Variants in PRUNE2 observed in about 807,000 individuals in gnomAD.
PRUNE2 encodes prune homolog 2 with BCH domain, also known as protein prune homolog 2.
In PRUNE2, 164 loss-of-function variants were observed where a neutral mutation model predicts 252.0. The observed-to-expected ratio is 0.65, with a 90% CI of 0.57 to 0.74. PRUNE2 has a LOEUF of 0.74. Ranked by LOEUF, PRUNE2 falls within the 30% of genes least tolerant of loss-of-function variation. The probability of loss-of-function intolerance (pLI) is 0.00; values close to 1 mark genes in which losing one functional copy is unlikely to be tolerated. For missense variants in PRUNE2, 3,495 were observed against 3,711.0 expected (o/e 0.94, Z 1.51); for synonymous variants, 1,292 against 1,350.2 (o/e 0.96, Z 0.94).
At chr9:76,780,252 G>A (rs918560759) in intron 6 of PRUNE2, among the ~76,000 whole-genome samples, 8 of 152,122 alleles carry the variant, frequency 5.3e-5, no homozygotes, top group Non-Finnish European at 1.0e-4. Flanking sequence ...AACTCATAAT[G>A]AAGCAGCTGC....
intron 4 of PRUNE2, among the ~76,000 whole-genome samples, chr9:76,835,579 T>C (rs1235437409): frequency 1.3e-5 from 2 of 152,176 alleles, no homozygotes; most frequent in Non-Finnish European, 2.9e-5. Context: ...GAGGAATCAT[T>C]TTGGTTTTAT....
At chr9:76,809,784 T>C (rs1258993363) in intron 6 of PRUNE2, among the ~76,000 whole-genome samples, 2 of 152,172 alleles carry the variant, frequency 1.3e-5, no homozygotes, top group African/African-American at 2.4e-5. Context: ...AATTCATACA[T>C]ATAAAAAAGG....
intron 18 of PRUNE2, among the ~76,000 whole-genome samples, chr9:76,616,442 G>A (rs1829730384): frequency 6.6e-6 from 1 of 152,112 alleles, no homozygotes; most frequent in Non-Finnish European, 1.5e-5. Context: ...CAAAATTTGG[G>A]GCACATCGTC....
At chr9:76,882,042 TTAATA>T (rs1336468214) in intron 1 of PRUNE2, among the ~76,000 whole-genome samples, 5 of 152,236 alleles carry the variant, frequency 3.3e-5, no homozygotes, top group African/African-American at 1.2e-4. Flanking sequence ...AGTATTTAAT[TTAATA>T]TATTTATTTT....
chr9:76,651,832 C>G (rs1847527030), intron 11 of PRUNE2: 1 of 152,164 alleles, frequency 6.6e-6, no homozygotes, highest in Non-Finnish European at 1.5e-5. Flanking sequence ...AGTCCTTGCT[C>G]CTGTGGAGCA....
rs551242347 is a variant in PRUNE2, at chr9:76,611,650, T to C, written c.*2920A>G. 6.5e-6 allele frequency: 1 copy of C among 152,760 alleles called. No homozygotes were observed. Among genetic ancestry groups the C allele is most frequent in the East Asian group, 1.9e-4 (1 of 5,188 alleles). The allele number at this position is 152,760 out of a possible 1,614,324, so 9.5% of individuals were successfully genotyped here. ...GCAAACATAGTACCATAACTGAATA[T>C]TTAAAATTACATCTTAACAAAGGCT... On this transcript the variant is annotated 3_prime_UTR_variant, in exon 19 of 19. Transcript: ENST00000376718.
At position 76,629,349 on chromosome 9, in the gene PRUNE2, GGCTATT is replaced by G. The variant is rs1836426566; in HGVS notation, c.9051-65_9051-60del. 4 of 875,266 alleles carry G rather than the reference GGCTATT, an allele frequency of 4.6e-6. No individual in the cohort carries two copies. The East Asian group carries it at 1.1e-4, about 24-fold the overall frequency. 54.2% of individuals were successfully genotyped at this position (875,266 alleles called of 1,614,324 possible). A position where few individuals can be genotyped will look rare whatever the true frequency, so the allele number is the denominator to read the frequency against. ...TTAGTCACTACCTTATCCATTCTAA[GGCTATT>G]GCCTTTTCTTGAAAATCCTGATACT... On this transcript the variant is annotated intron_variant, in intron 15 of 18. Transcript: ENST00000376718.
chr9:76,684,426 G>T (rs2043843505), intron 9 of PRUNE2, among the ~76,000 whole-genome samples: 1 of 152,102 alleles, frequency 6.6e-6, no homozygotes, highest in African/African-American at 2.4e-5. Context: ...CAACCCCAGG[G>T]CAGCTCCAGA....
intron 16 of PRUNE2, among the ~76,000 whole-genome samples, chr9:76,628,515 C>G (rs1020952884): frequency 6.6e-6 from 1 of 152,046 alleles, no homozygotes; most frequent in African/African-American, 2.4e-5. Context: ...ATAAAGAAAT[C>G]CAAGCTATGC....
At chr9:76,767,977 C>A (rs549127823) in intron 6 of PRUNE2, among the ~76,000 whole-genome samples, 1 of 152,342 alleles carries the variant, frequency 6.6e-6, no homozygotes, top group African/African-American at 2.4e-5. Context: ...TCTCTCTGAT[C>A]TTCCCTGTTC....
At chr9:76,796,167 C>T (rs1034107329) in intron 6 of PRUNE2, among the ~76,000 whole-genome samples, 19 of 152,148 alleles carry the variant, frequency 1.2e-4, no homozygotes, top group Admixed American at 1.2e-3. Context: ...CTTAAGAACG[C>T]ACAGCACTCT....
intron 14 of PRUNE2, 117 bp downstream of exon 14, chr9:76,637,301 T>C (rs548362031): frequency 1.3e-4 from 132 of 978,626 alleles, no homozygotes; most frequent in Non-Finnish European, 1.8e-4. Flanking sequence ...TTATTTGATC[T>C]TATTGAGACT....
chr9:76,706,502 C>T lies in PRUNE2; in HGVS notation c.5772G>A (p.Gln1924=). 3.1e-6 allele frequency: 5 copies of T among 1,613,954 alleles called. No homozygotes were observed. Among genetic ancestry groups the T allele is most frequent in the Non-Finnish European group, 4.2e-6 (5 of 1,179,880 alleles). ...QPDPDADKFS[Q]LVKLDQIKEK... is the part of the protein sequence containing the mutation. ...CTTTAATTTGGTCTAATTTTACAAG[C>T]TGGCTGAACTTGTCAGCATCTGGGT... The change falls in exon 8 of 19, where the codon CAG becomes CAA. Residue 1924 remains glutamine, a synonymous_variant. Coordinates refer to ENST00000376718, the MANE Select transcript of PRUNE2 (RefSeq NM_015225.3).
At chr9:76,744,889 G>A (rs926559354) in intron 6 of PRUNE2, among the ~76,000 whole-genome samples, 13 of 152,130 alleles carry the variant, frequency 8.5e-5, no homozygotes, top group African/African-American at 2.4e-4. Context: ...TCTATGCCTC[G>A]ATGAACATCT....
At chr9:76,694,414 C>G (rs1463939030) in intron 9 of PRUNE2, among the ~76,000 whole-genome samples, 5 of 152,134 alleles carry the variant, frequency 3.3e-5, no homozygotes, top group Non-Finnish European at 5.9e-5. Context: ...AACTCCTGGC[C>G]TCAGGTGATC....
chr9:76,783,830 A>G (rs1050267761), intron 6 of PRUNE2: 2 of 152,218 alleles, frequency 1.3e-5, no homozygotes, highest in Admixed American at 1.3e-4. Flanking sequence ...ATGTTTTTGC[A>G]CATTTCCAGC....
intron 1 of PRUNE2, among the ~76,000 whole-genome samples, chr9:76,860,340 C>G (rs2060483281): frequency 6.6e-6 from 1 of 152,146 alleles, no homozygotes; most frequent in African/African-American, 2.4e-5. Flanking sequence ...AAGTTCAAGC[C>G]CTTCCCGTAA....
chr9:76,728,142 C>T (rs79749910), intron 6 of PRUNE2, among the ~76,000 whole-genome samples: 173 of 152,230 alleles, frequency 1.1e-3, no homozygotes, highest in Non-Finnish European at 2.1e-3. Flanking sequence ...TTATGCCACA[C>T]TCATGGGGCA....
intron 1 of PRUNE2, among the ~76,000 whole-genome samples, chr9:76,879,893 ATATATATATATTTTTT>A (rs2133255975): frequency 1.2e-5 from 1 of 81,024 alleles, no homozygotes; most frequent in East Asian, 3.6e-4. Flanking sequence ...ATATATATAT[ATATATATATATTTTTT>A]TTTTTTTTTT....
Sources: allele counts gnomAD v4.1 joint callset (sites outside exome capture counted in the v4.1 genomes callset), GRCh38; gene constraint gnomAD v4.1.1; transcripts MANE v1.5; gene names NCBI Gene and HGNC (gene_info 2026-07-23, HGNC 2026-07-21).